Variants in LARGE1 observed in about 807,000 individuals in gnomAD.
LARGE1 encodes xylosyl- and glucuronyltransferase LARGE1.
LARGE1 carries 43 observed loss-of-function variants against 87.6 expected under a neutral mutation model. That is an observed-to-expected ratio of 0.49 (90% confidence interval 0.38 to 0.63). LARGE1 has a LOEUF of 0.63. Ranked by LOEUF, LARGE1 falls within the 30% of genes least tolerant of loss-of-function variation. LARGE1 has a pLI of 0.00. For missense variants in LARGE1, 802 were observed against 1,000.2 expected, an observed-to-expected ratio of 0.80 and a Z score of 2.67; for synonymous variants, 434 against 394.6, an observed-to-expected ratio of 1.10 and a Z score of -1.18.
At chr22:33,678,830 A>G (rs2081658330) in intron 2 of LARGE1, among the ~76,000 whole-genome samples, 1 of 152,230 alleles carries the variant, frequency 6.6e-6, no homozygotes, top group Non-Finnish European at 1.5e-5. Context: ...TGGTCAAGAC[A>G]CTGTGCTGGG....
chr22:33,295,471 T>C (rs1268569441), intron 12 of LARGE1, among the ~76,000 whole-genome samples: 6 of 152,224 alleles, frequency 3.9e-5, no homozygotes, highest in Non-Finnish European at 5.9e-5. Context: ...GACGTAAGCA[T>C]GGCTTTTGAC....
At chr22:33,910,010 T>C (rs2065581516) in intron 1 of LARGE1, among the ~76,000 whole-genome samples, 1 of 152,170 alleles carries the variant, frequency 6.6e-6, no homozygotes, top group Non-Finnish European at 1.5e-5. Context: ...TCCTTTGAGT[T>C]TGAGAAGCTA....
At chr22:33,229,788 A>T (rs1045851339) in intron 11 of LARGE1, among the ~76,000 whole-genome samples, 3 of 152,130 alleles carry the variant, frequency 2.0e-5, no homozygotes, top group Non-Finnish European at 4.4e-5. Flanking sequence ...GAAAAGGTAC[A>T]TTGAGTCCTG....
At chr22:33,822,447 C>A (rs1409199581) in intron 1 of LARGE1, among the ~76,000 whole-genome samples, 1 of 152,112 alleles carries the variant, frequency 6.6e-6, no homozygotes, top group Non-Finnish European at 1.5e-5. Flanking sequence ...ACCTGTAATC[C>A]CAGTACTTTG....
exon 12 of LARGE1, chr22:33,164,475 C>A (rs1922156272): frequency 6.6e-6 from 1 of 150,810 alleles, no homozygotes. Context: ...TTCTGACAAG[C>A]AGTAATAATC....
At chr22:33,825,367 TACCCGAGACTGGGTAATTGCTAATAAAG>T (rs1242547515) in intron 1 of LARGE1, among the ~76,000 whole-genome samples, 2 of 125,602 alleles carry the variant, frequency 1.6e-5, no homozygotes, top group East Asian at 3.0e-4. Context: ...ATAAAAGACA[TACCCGAGACTGGGTAATTGCTAATAAAG>T]ACATACCCGA....
intron 1 of LARGE1, among the ~76,000 whole-genome samples, chr22:33,899,417 A>G (rs1204237905): frequency 6.6e-6 from 1 of 152,218 alleles, no homozygotes; most frequent in Non-Finnish European, 1.5e-5. Flanking sequence ...AGGCTTTGCA[A>G]AATTGGATGT....
At chr22:33,408,103 C>T (rs1044570745) in intron 7 of LARGE1, among the ~76,000 whole-genome samples, 1 of 151,832 alleles carries the variant, frequency 6.6e-6, no homozygotes, top group African/African-American at 2.4e-5. Flanking sequence ...GCCTCAGCCT[C>T]CTAAGTAGCT....
intron 1 of LARGE1, among the ~76,000 whole-genome samples, chr22:33,782,759 G>A (rs961676232): frequency 1.1e-4 from 17 of 151,908 alleles, no homozygotes; most frequent in African/African-American, 3.1e-4. Context: ...CAGCTACTCG[G>A]GAGGCTGAGG....
intron 2 of LARGE1, among the ~76,000 whole-genome samples, chr22:33,658,282 A>T (rs1210227955): frequency 6.6e-6 from 1 of 152,234 alleles, no homozygotes; most frequent in Non-Finnish European, 1.5e-5. Flanking sequence ...CATTTAAAAA[A>T]AAATTTTAAT....
chr22:33,424,085 T>G (rs1320603388), intron 7 of LARGE1, among the ~76,000 whole-genome samples: 2 of 152,188 alleles, frequency 1.3e-5, no homozygotes, highest in African/African-American at 4.8e-5. Flanking sequence ...TTCTCAAACT[T>G]AAGTAACCAT....
intron 9 of LARGE1, among the ~76,000 whole-genome samples, chr22:33,350,432 A>G (rs1940253676): frequency 1.3e-5 from 2 of 152,156 alleles, no homozygotes; most frequent in African/African-American, 2.4e-5. Context: ...GACTGTATTC[A>G]CATTTTAGCC....
intron 2 of LARGE1, among the ~76,000 whole-genome samples, chr22:33,721,562 C>T (rs1180137621): frequency 6.6e-6 from 1 of 152,216 alleles, no homozygotes; most frequent in Non-Finnish European, 1.5e-5. Flanking sequence ...CACTTGTGAA[C>T]ATTCTCAGCA....
intron 7 of LARGE1, among the ~76,000 whole-genome samples, chr22:33,411,391 G>T (rs962990911): frequency 5.9e-5 from 9 of 152,118 alleles, no homozygotes; most frequent in African/African-American, 2.2e-4. Context: ...GCTCAAGTTG[G>T]GTTCCTATGA....
chr22:33,904,329 T>C (rs2065372543), intron 1 of LARGE1, among the ~76,000 whole-genome samples: 1 of 152,198 alleles, frequency 6.6e-6, no homozygotes, highest in Non-Finnish European at 1.5e-5. Context: ...CTAATTTTTG[T>C]ATTTTTAGTA....
intron 11 of LARGE1, among the ~76,000 whole-genome samples, chr22:33,213,580 G>A (rs551912666): frequency 6.6e-6 from 1 of 152,272 alleles, no homozygotes; most frequent in South Asian, 2.1e-4. Flanking sequence ...TCAGTCAGCA[G>A]CCATCAATCA....
At chr22:33,630,183 G>A (rs749747221) in intron 3 of LARGE1, among the ~76,000 whole-genome samples, 3 of 151,484 alleles carry the variant, frequency 2.0e-5, no homozygotes, top group Non-Finnish European at 4.4e-5. Context: ...TGGGCAACAA[G>A]AACAAAACTC....
At chr22:33,483,641 T>G (rs2069433330) in intron 6 of LARGE1, among the ~76,000 whole-genome samples, 2 of 152,146 alleles carry the variant, frequency 1.3e-5, no homozygotes, top group Admixed American at 1.3e-4. Flanking sequence ...CGGGCTGCAT[T>G]AATGAATGCT....
rs367922467 is a variant in LARGE1 at position 33,450,447 on chromosome 22, CA to C, written c.788-18183del. Reference sequence around the variant, plus strand: ...TGAAACCCCATCTCTACTAAAAATACAAAAAAAAAAAAAAAATTAGCCAGGT... The same window carrying C: ...TGAAACCCCATCTCTACTAAAAATACAAAAAAAAAAAAAAATTAGCCAGGT... On this transcript the variant is annotated intron_variant, in intron 6 of 14. Transcript: ENST00000397394. Among the ~76,000 whole-genome samples the C allele has an allele frequency of 9.9e-3, 1,269 of 128,046 alleles. 8 individuals are homozygous for C. Among genetic ancestry groups the C allele is most frequent in the Middle Eastern group, 0.038 (8 of 212 alleles). The allele number at this position is 128,046 out of a possible 152,430, so 84.0% of individuals were successfully genotyped here.
Sources: allele counts gnomAD v4.1 joint callset (sites outside exome capture counted in the v4.1 genomes callset), GRCh38; gene constraint gnomAD v4.1.1; transcripts MANE v1.5; gene names NCBI Gene and HGNC (gene_info 2026-07-23, HGNC 2026-07-21).